Variants in SOX5 observed in about 807,000 individuals in gnomAD.
SOX5 encodes transcription factor SOX-5.
Under a neutral mutation model 92.0 loss-of-function variants are expected in SOX5, and 9 were observed. The ratio of observed to expected loss-of-function variants is 0.10; its 90% CI spans 0.06 to 0.17. The LOEUF (loss-of-function observed/expected upper bound fraction) is 0.17, where lower values mean the gene tolerates loss of function less well. Among genes scored for constraint, SOX5 ranks in the 10% least tolerant of loss-of-function variants. The pLI, the probability that SOX5 is intolerant of heterozygous loss-of-function variation, is 1.00. For missense variants in SOX5, 642 were observed against 944.5 expected, an observed-to-expected ratio of 0.68 and a Z score of 4.20; for synonymous variants, 344 against 336.3, an observed-to-expected ratio of 1.02 and a Z score of -0.25.
chr12:24,532,362 C>G (rs966607791), intron 1 of SOX5, among the ~76,000 whole-genome samples: 2 of 152,110 alleles, frequency 1.3e-5, no homozygotes, highest in African/African-American at 2.4e-5. Flanking sequence ...GCAGACTGAC[C>G]CAAACAACTA....
intron 3 of SOX5, among the ~76,000 whole-genome samples, chr12:24,270,370 C>G (rs1943573262): frequency 6.6e-6 from 1 of 152,138 alleles, no homozygotes; most frequent in African/African-American, 2.4e-5. Context: ...ATGTGGGGAA[C>G]TCTTTATAAG....
At chr12:23,673,292 A>G (rs1037525496) in intron 6 of SOX5, among the ~76,000 whole-genome samples, 2 of 152,244 alleles carry the variant, frequency 1.3e-5, no homozygotes, top group African/African-American at 4.8e-5. Context: ...CTGGTGCTTG[A>G]TCAAATCAAA....
intron 2 of SOX5, among the ~76,000 whole-genome samples, chr12:23,846,801 A>G (rs1331543575): frequency 2.0e-5 from 3 of 152,166 alleles, no homozygotes; most frequent in Non-Finnish European, 4.4e-5. Flanking sequence ...TCCAAGTTCA[A>G]TTCTGCCTAT....
Position 23,996,675 on chromosome 12 carries a change from A to G in SOX5, c.-1-100651T>C, listed in dbSNP as rs1951060937. Among the ~76,000 whole-genome samples the G allele has an allele frequency of 2.6e-5, 4 of 152,258 alleles. No individual in the cohort carries two copies. The South Asian group carries it at 8.3e-4, about 31-fold the overall frequency. On this transcript the variant is annotated intron_variant, in intron 4 of 4. Transcript: ENST00000446891. ...CATATTACAATGTACATGAGCCTCC[A>G]AAGCACTATGCTAAGTGAAAGAAAC...
At chr12:24,379,953 A>G (rs937538320) in intron 1 of SOX5, among the ~76,000 whole-genome samples, 2 of 149,606 alleles carry the variant, frequency 1.3e-5, no homozygotes, top group Non-Finnish European at 3.0e-5. Context: ...GGAGGGAGGG[A>G]AAACCCTCTG....
At chr12:24,371,365 ACT>A (rs1384851600) in intron 1 of SOX5, among the ~76,000 whole-genome samples, 3 of 152,176 alleles carry the variant, frequency 2.0e-5, no homozygotes, top group African/African-American at 7.2e-5. Context: ...ACAGACAAAA[ACT>A]CAGCCTGGAC....
chr12:23,562,938 A>C (rs1029376633), intron 11 of SOX5, among the ~76,000 whole-genome samples: 10 of 152,204 alleles, frequency 6.6e-5, no homozygotes, highest in Non-Finnish European at 1.5e-4. Flanking sequence ...CCCAAATACA[A>C]GTTAAGCATC....
intron 1 of SOX5, among the ~76,000 whole-genome samples, chr12:23,903,879 C>A (rs1160703924): frequency 1.3e-5 from 2 of 152,114 alleles, no homozygotes; most frequent in Admixed American, 1.3e-4. Flanking sequence ...TCCAATATGG[C>A]AATTCAAAAC....
Position 24,321,400 on chromosome 12 carries a change from T to C in SOX5, c.-173-44088A>G, listed in dbSNP as rs1449730192. 2.6e-5 allele frequency among the ~76,000 whole-genome samples: 4 copies of C among 152,330 alleles called. No individual in the cohort carries two copies. In the East Asian group the frequency reaches 7.7e-4, roughly 29 times the overall value. The stretch of plus-strand genomic sequence containing the variant: ...TTTTTAAAACTAAACATTAAATAAC[T>C]GCAATTAAAGAGATACATAAAATAT... On this transcript the variant is annotated intron_variant, in intron 2 of 4. Coordinates refer to the SOX5 transcript ENST00000446891.
chr12:23,546,502 T>C lies in SOX5; in HGVS notation c.1489-78A>G. Reference sequence around the variant, plus strand: ...ACTTTCTTTTTTTGGGCCACATATATAATACATTAACTCCTGGAAAGGATG... The same window carrying C: ...ACTTTCTTTTTTTGGGCCACATATACAATACATTAACTCCTGGAAAGGATG... On this transcript the variant is annotated intron_variant, in intron 11 of 14. Coordinates refer to ENST00000451604, the MANE Select transcript of SOX5 (RefSeq NM_006940.6). 4 of 773,944 alleles carry C rather than the reference T, an allele frequency of 5.2e-6. No homozygotes were observed. The South Asian group carries it at 6.4e-5, about 12-fold the overall frequency. The allele number at this position is 773,944 out of a possible 1,614,324, so 47.9% of individuals were successfully genotyped here. A position where few individuals can be genotyped will look rare whatever the true frequency, so the allele number is the denominator to read the frequency against.
chr12:24,218,818 G>A (rs1959691789), intron 3 of SOX5, among the ~76,000 whole-genome samples: 1 of 151,914 alleles, frequency 6.6e-6, no homozygotes, highest in African/African-American at 2.4e-5. Flanking sequence ...GGCATACCAT[G>A]GCTAAAAACT....
At chr12:24,559,900 G>A (rs1170202292) in intron 1 of SOX5, among the ~76,000 whole-genome samples, 1 of 152,146 alleles carries the variant, frequency 6.6e-6, no homozygotes, top group Non-Finnish European at 1.5e-5. Context: ...CAAATGCCTA[G>A]TTATTTACCA....
chr12:24,054,440 C>T (rs750168727), intron 4 of SOX5, among the ~76,000 whole-genome samples: 10 of 152,188 alleles, frequency 6.6e-5, no homozygotes, highest in Non-Finnish European at 1.2e-4. Flanking sequence ...TCCTTGGGCA[C>T]TACACATGGG....
chr12:24,151,656 A>G lies in SOX5; in HGVS notation c.-2+61687T>C, dbSNP rs142055384. On this transcript the variant is annotated intron_variant, in intron 4 of 4. Coordinates refer to the SOX5 transcript ENST00000446891. ...TCATATTAGTTGTTTGGTGTTTGAA[A>G]GGCAACTCCTTTTTCCTGAACTACT... Among the ~76,000 whole-genome samples, 1,148 of 152,168 alleles carry G rather than the reference A, an allele frequency of 7.5e-3. 6 individuals are homozygous for G. Among genetic ancestry groups the G allele is most frequent in the Non-Finnish European group, 0.014 (958 of 67,994 alleles).
chr12:23,771,743 TATAGAC>T (rs1482560180), intron 3 of SOX5, among the ~76,000 whole-genome samples: 1 of 152,228 alleles, frequency 6.6e-6, no homozygotes, highest in African/African-American at 2.4e-5. Flanking sequence ...GGGCATTTCA[TATAGAC>T]ACCTTTCTCT....
At chr12:24,303,364 A>G (rs1287934281) in intron 2 of SOX5, among the ~76,000 whole-genome samples, 1 of 151,956 alleles carries the variant, frequency 6.6e-6, no homozygotes, top group African/African-American at 2.4e-5. Flanking sequence ...CATCATGTTC[A>G]TAGGAATTCA....
intron 6 of SOX5, among the ~76,000 whole-genome samples, chr12:23,717,028 C>T (rs761781156): frequency 2.6e-5 from 4 of 152,154 alleles, no homozygotes; most frequent in Admixed American, 2.0e-4. Flanking sequence ...GCTGATGCTC[C>T]TTATCCCTTG....
At chr12:24,177,156 T>C (rs1162268664) in intron 4 of SOX5, among the ~76,000 whole-genome samples, 1 of 152,162 alleles carries the variant, frequency 6.6e-6, no homozygotes, top group Non-Finnish European at 1.5e-5. Context: ...ATTAACATTA[T>C]CTCACTCATT....
chr12:23,793,674 GAACTT>G (rs1196449083), intron 3 of SOX5, among the ~76,000 whole-genome samples: 1 of 152,124 alleles, frequency 6.6e-6, no homozygotes, highest in Non-Finnish European at 1.5e-5. Context: ...GCCAGGTTCC[GAACTT>G]AACACAAAAA....
Sources: allele counts gnomAD v4.1 joint callset (sites outside exome capture counted in the v4.1 genomes callset), GRCh38; gene constraint gnomAD v4.1.1; transcripts MANE v1.5; gene names NCBI Gene and HGNC (gene_info 2026-07-23, HGNC 2026-07-21).